Variants in DCC observed in about 807,000 individuals in gnomAD.
The protein encoded by DCC is netrin receptor DCC.
In DCC, 58 loss-of-function variants were observed where a neutral mutation model predicts 172.5. That is an observed-to-expected ratio of 0.34 (90% CI 0.27 to 0.42). The LOEUF (loss-of-function observed/expected upper bound fraction) is 0.42, where lower values mean the gene tolerates loss of function less well. Among genes scored for constraint, DCC ranks in the 10% least tolerant of loss-of-function variants. DCC has a pLI of 1.00. For missense variants in DCC, 1,740 were observed against 1,791.0 expected (o/e 0.97, Z 0.51); for synonymous variants, 709 against 644.5 (o/e 1.10, Z -1.52).
intron 5 of DCC, among the ~76,000 whole-genome samples, chr18:52,981,172 T>G (rs1044621230): frequency 1.3e-5 from 2 of 152,122 alleles, no homozygotes; most frequent in African/African-American, 4.8e-5. Flanking sequence ...TATCTTTATA[T>G]GGTCAAAATT....
chr18:53,471,182 C>G (rs186624361), intron 25 of DCC, among the ~76,000 whole-genome samples: 1 of 152,152 alleles, frequency 6.6e-6, no homozygotes, highest in Admixed American at 6.5e-5. Context: ...TTTGTGGGTA[C>G]ATAGTAGGTA....
At chr18:52,750,886 G>T (rs1332838564) in intron 1 of DCC, among the ~76,000 whole-genome samples, 1 of 151,926 alleles carries the variant, frequency 6.6e-6, no homozygotes, top group Non-Finnish European at 1.5e-5. Context: ...TGAAGTCAAG[G>T]TTGCTATCGT....
At chr18:53,210,754 G>A (rs949737303) in intron 11 of DCC, among the ~76,000 whole-genome samples, 2 of 151,864 alleles carry the variant, frequency 1.3e-5, no homozygotes, top group African/African-American at 4.8e-5. Context: ...TTTTAAAAAA[G>A]CAAAAGTTAA....
At chr18:52,596,864 A>C (rs531541651) in intron 1 of DCC, among the ~76,000 whole-genome samples, 2 of 152,270 alleles carry the variant, frequency 1.3e-5, no homozygotes, top group African/African-American at 4.8e-5. Flanking sequence ...GCCTGGCTTA[A>C]GTTTGAATGC....
At chr18:52,870,029 T>C (rs2145380258) in intron 2 of DCC, among the ~76,000 whole-genome samples, 1 of 151,888 alleles carries the variant, frequency 6.6e-6, no homozygotes, top group Non-Finnish European at 1.5e-5. Context: ...TGTCCGCTCC[T>C]CCAAGCCCGA....
At chr18:53,198,689 A>G (rs1203265574) in intron 9 of DCC, among the ~76,000 whole-genome samples, 1 of 152,186 alleles carries the variant, frequency 6.6e-6, no homozygotes, top group Non-Finnish European at 1.5e-5. Flanking sequence ...TTACTCCAAC[A>G]TAAGTACTTA....
chr18:52,910,437 G>A (rs903072571), intron 3 of DCC, among the ~76,000 whole-genome samples: 3 of 152,098 alleles, frequency 2.0e-5, no homozygotes, highest in Non-Finnish European at 4.4e-5. Context: ...AAGACAAATT[G>A]AATTTTTGCT....
intron 27 of DCC, among the ~76,000 whole-genome samples, chr18:53,505,569 A>C (rs1169812985): frequency 6.6e-6 from 1 of 152,214 alleles, no homozygotes; most frequent in East Asian, 1.9e-4. Flanking sequence ...TATCGCATCA[A>C]GAATTGTTAG....
intron 1 of DCC, among the ~76,000 whole-genome samples, chr18:52,369,475 G>A (rs1051666987): frequency 6.6e-6 from 1 of 151,978 alleles, no homozygotes; most frequent in Non-Finnish European, 1.5e-5. Flanking sequence ...ATGGGTGTAG[G>A]AGCCGATGGA....
chr18:52,992,623 A>C (rs535030313), intron 5 of DCC, among the ~76,000 whole-genome samples: 1 of 149,948 alleles, frequency 6.7e-6, no homozygotes, highest in Non-Finnish European at 1.5e-5. Context: ...TATTTATGAC[A>C]GTTGTGCAAA....
intron 2 of DCC, among the ~76,000 whole-genome samples, chr18:52,829,069 G>A (rs1314470483): frequency 6.6e-6 from 1 of 152,150 alleles, no homozygotes; most frequent in African/African-American, 2.4e-5. Context: ...CTGTTATGCT[G>A]TTAATTAGAA....
chr18:52,780,259 C>A (rs1386348176), intron 2 of DCC, among the ~76,000 whole-genome samples: 1 of 152,096 alleles, frequency 6.6e-6, no homozygotes, highest in Admixed American at 6.6e-5. Flanking sequence ...AGGAATCTAG[C>A]TCAATTCTGT....
chr18:52,921,485 G>A (rs183779047), intron 3 of DCC, among the ~76,000 whole-genome samples: 243 of 152,148 alleles, frequency 1.6e-3, no homozygotes, highest in African/African-American at 5.1e-3. Context: ...GATCACCTGA[G>A]ATGAGGAGTT....
chr18:53,077,676 C>T (rs2042742083), intron 7 of DCC, among the ~76,000 whole-genome samples: 2 of 152,126 alleles, frequency 1.3e-5, no homozygotes, highest in Non-Finnish European at 2.9e-5. Flanking sequence ...AGTTAACTAA[C>T]TTGTCCAAGG....
intron 7 of DCC, among the ~76,000 whole-genome samples, chr18:53,148,633 T>C (rs1372799130): frequency 2.0e-5 from 3 of 151,492 alleles, no homozygotes; most frequent in Non-Finnish European, 2.9e-5. Context: ...AGTAAGAAAA[T>C]ACAAAGAGAA....
intron 1 of DCC, among the ~76,000 whole-genome samples, chr18:52,455,697 A>G (rs1175318659): frequency 6.6e-6 from 1 of 152,172 alleles, no homozygotes; most frequent in Non-Finnish European, 1.5e-5. Flanking sequence ...TTTAAACTCT[A>G]TGTGCCAGTG....
chr18:53,407,564 TACTC>T (rs1191524838), intron 19 of DCC, among the ~76,000 whole-genome samples: 3 of 143,118 alleles, frequency 2.1e-5, no homozygotes, highest in South Asian at 2.2e-4. Context: ...TATTCACTAT[TACTC>T]TCTCTCTATA....
At chr18:53,519,902 G>A (rs1468439257) in intron 27 of DCC, among the ~76,000 whole-genome samples, 1 of 152,034 alleles carries the variant, frequency 6.6e-6, no homozygotes, top group African/African-American at 2.4e-5. Flanking sequence ...GTTTGTTTTT[G>A]TGTTTTTTCC....
chr18:52,425,701 G>A (rs1568164673), intron 1 of DCC, among the ~76,000 whole-genome samples: 2 of 152,076 alleles, frequency 1.3e-5, no homozygotes, highest in South Asian at 4.1e-4. Context: ...GGACTTGGAG[G>A]ATTCTTCCCA....
Sources: allele counts gnomAD v4.1 joint callset (sites outside exome capture counted in the v4.1 genomes callset), GRCh38; gene constraint gnomAD v4.1.1; transcripts MANE v1.5; gene names NCBI Gene and HGNC (gene_info 2026-07-23, HGNC 2026-07-21).